Variants in MDH1B observed in about 807,000 individuals in gnomAD.
MDH1B encodes putative malate dehydrogenase 1B.
In MDH1B, 60 loss-of-function variants were observed where a neutral mutation model predicts 61.4. The ratio of observed to expected loss-of-function variants is 0.98; its 90% CI spans 0.79 to 1.21. The LOEUF (loss-of-function observed/expected upper bound fraction) is 1.21. MDH1B is among the 50% of genes most tolerant of loss of function. The pLI, the probability that MDH1B is intolerant of heterozygous loss-of-function variation, is 0.00. For synonymous variants in MDH1B, 236 were observed against 218.7 expected (o/e 1.08, Z -0.70); for missense variants, 587 against 632.1 (o/e 0.93, Z 0.76).
At position 206,749,156 on chromosome 2, in the gene MDH1B, T is replaced by C. The variant is rs547257005; in HGVS notation, c.1080A>G (p.Ala360=). 1.2e-6 allele frequency: 2 copies of C among 1,614,064 alleles called. No individual in the cohort carries two copies. Among genetic ancestry groups the C allele is most frequent in the South Asian group, 1.1e-5 (1 of 91,070 alleles). ...CTGTGGTGGTCAAGTTTTTAAGAAT[T>C]GCCACAAATTCTCTTTTTACCCACT... is the stretch of plus-strand genomic sequence containing the variant. ...DSEWVKREFV[A]ILKNLTTTGR... is the part of the protein sequence containing the mutation. Residue 360 remains alanine, a synonymous_variant, in exon 7 of 12, where the codon GCA becomes GCG. Transcript: ENST00000374412.
chr2:206,744,742 T>C (rs566427320), intron 9 of MDH1B, among the ~76,000 whole-genome samples: 2 of 151,734 alleles, frequency 1.3e-5, no homozygotes, highest in African/African-American at 4.8e-5. Context: ...CCGGCCAACA[T>C]AGTGAAACCT....
At chr2:206,742,048 A>G (rs894969029) in intron 9 of MDH1B, among the ~76,000 whole-genome samples, 3 of 152,220 alleles carry the variant, frequency 2.0e-5, no homozygotes, top group Admixed American at 1.3e-4. Flanking sequence ...ACAAAGGAAC[A>G]TAATGAAGCT....
chr2:206,746,175 A>C (rs1688098564), intron 8 of MDH1B, 112 bp downstream of exon 8: 1 of 911,156 alleles, frequency 1.1e-6, no homozygotes, highest in Admixed American at 3.0e-5. Flanking sequence ...ATTATTTTTA[A>C]GAATTAAAAA....
chr2:206,746,311 G>C lies in MDH1B; in HGVS notation c.1332C>G (p.Thr444=). The C allele has an allele frequency of 6.2e-7, 1 of 1,613,220 alleles. No individual in the cohort carries two copies. The highest frequency in any genetic ancestry group is 8.5e-7 in the Non-Finnish European group (1 of 1,179,668). ...CCTGAATTAGATCACTTGTCATTCG[G>C]GTCATTATTTGTTCACTTATTTCAA... ...KDVEISEQIM[T]RMTSDLIQEK... The change falls in exon 8 of 12, where the codon ACC becomes ACG. Residue 444 remains threonine, a synonymous_variant. Coordinates refer to ENST00000374412, the MANE Select transcript of MDH1B (RefSeq NM_001039845.3).
chr2:206,739,534 T>C, intron 11 of MDH1B, 59 bp downstream of exon 11: 2 of 1,453,708 alleles, frequency 1.4e-6, no homozygotes, highest in Non-Finnish European at 1.9e-6. Flanking sequence ...TGATCCTCTA[T>C]TACCCAGTTC....
intron 1 of MDH1B, among the ~76,000 whole-genome samples, chr2:206,761,554 TTG>T (rs1689092973): frequency 6.6e-6 from 1 of 152,100 alleles, no homozygotes; most frequent in Non-Finnish European, 1.5e-5. Flanking sequence ...TCAAGTGCAG[TTG>T]GAGATACTTG....
intron 5 of MDH1B, among the ~76,000 whole-genome samples, chr2:206,753,674 G>C (rs538957418): frequency 6.6e-6 from 1 of 152,200 alleles, no homozygotes; most frequent in South Asian, 2.1e-4. Flanking sequence ...ATTGCTGGCT[G>C]TCTCTTTGCT....
chr2:206,744,061 C>T (rs1025245476), intron 9 of MDH1B, among the ~76,000 whole-genome samples: 1 of 152,198 alleles, frequency 6.6e-6, no homozygotes, highest in Non-Finnish European at 1.5e-5. Flanking sequence ...ACATCTACTC[C>T]TCATGGCTGT....
intron 11 of MDH1B, among the ~76,000 whole-genome samples, chr2:206,739,231 A>G (rs1687670927): frequency 1.3e-5 from 2 of 152,140 alleles, no homozygotes; most frequent in African/African-American, 4.8e-5. Flanking sequence ...CCTGGGAAAC[A>G]TTGTGAGACC....
intron 1 of MDH1B, among the ~76,000 whole-genome samples, chr2:206,763,182 C>T (rs916991980): frequency 6.6e-6 from 1 of 151,682 alleles, no homozygotes; most frequent in Admixed American, 6.6e-5. Context: ...TTATTATGTC[C>T]ATCTCCCTAA....
chr2:206,749,089 T>C lies in MDH1B; in HGVS notation c.1147A>G (p.Thr383Ala). The change falls in exon 7 of 12, where the codon ACT (threonine) becomes GCT (alanine). Residue 383 changes from threonine (T) to alanine (A), a missense_variant. Physicochemically the swap from Thr to Ala is moderately conservative, Grantham distance 58 (BLOSUM62 0). Transcript: ENST00000374412. ...GGILAAHSIA[T>A]TLKYWYHGSP... ...CCATGGTACCAGTATTTCAGTGTAG[T>C]GGCTATACTGTGTGCAGCCAAAATG... 1 of 1,613,900 alleles carries C rather than the reference T, an allele frequency of 6.2e-7. No individual in the cohort carries two copies. Among genetic ancestry groups the C allele is most frequent in the South Asian group, 1.1e-5 (1 of 91,080 alleles).
chr2:206,757,771 T>A (rs1371611981), intron 2 of MDH1B, among the ~76,000 whole-genome samples: 5 of 152,180 alleles, frequency 3.3e-5, no homozygotes, highest in African/African-American at 7.2e-5. Flanking sequence ...AACTTGATAC[T>A]TTTTTTAAAA....
chr2:206,764,412 T>C (rs1394545700), intron 1 of MDH1B, among the ~76,000 whole-genome samples: 1 of 152,174 alleles, frequency 6.6e-6, no homozygotes, highest in Non-Finnish European at 1.5e-5. Flanking sequence ...GTGACTTTGG[T>C]GACAGCAGTT....
At chr2:206,747,447 G>A (rs566095610) in intron 7 of MDH1B, among the ~76,000 whole-genome samples, 1 of 152,144 alleles carries the variant, frequency 6.6e-6, no homozygotes, top group East Asian at 1.9e-4. Context: ...TACAAATAAA[G>A]GTAAGGTTTT....
In MDH1B at chr2:206,755,070, C is replaced by G; in HGVS notation, c.849G>C (p.Ala283=). The change falls in exon 5 of 12, where the codon GCG becomes GCC. Residue 283 remains alanine (A), a synonymous_variant. Coordinates refer to ENST00000374412, the MANE Select transcript of MDH1B (RefSeq NM_001039845.3). ...CTTTCGCTTCACCTTCCACCCCCAG[C>G]GCCACAGCAATAATGTTGTGTGCAA... is the stretch of plus-strand genomic sequence containing the variant. ...PRIAHNIIAV[A]LGVEGEAKAI... is the part of the protein sequence containing the mutation. 6.2e-7 allele frequency: 1 copy of G among 1,614,212 alleles called. No individual in the cohort carries two copies. Among genetic ancestry groups the G allele is most frequent in the Non-Finnish European group, 8.5e-7 (1 of 1,180,014 alleles).
At chr2:206,749,415 T>C (rs1688310831) in intron 6 of MDH1B, among the ~76,000 whole-genome samples, 1 of 152,160 alleles carries the variant, frequency 6.6e-6, no homozygotes, top group Non-Finnish European at 1.5e-5. Context: ...AAAAATATGA[T>C]ACTATAAATA....
intron 10 of MDH1B, 133 bp from the exon 11 acceptor site, chr2:206,739,794 A>C: frequency 4.1e-6 from 3 of 739,658 alleles, no homozygotes; most frequent in Non-Finnish European, 4.6e-6. Context: ...AGGAGTTACA[A>C]GATGCTAGAC....
chr2:206,741,987 G>C (rs1202807182), intron 9 of MDH1B, among the ~76,000 whole-genome samples: 1 of 152,164 alleles, frequency 6.6e-6, no homozygotes. Flanking sequence ...GCCCATGAGA[G>C]GCAGGGAGTT....
rs374490544 is a variant in MDH1B, at chr2:206,746,057, T to A, written c.1356+230A>T. 2.0e-5 allele frequency among the ~76,000 whole-genome samples: 3 copies of A among 152,200 alleles called. No homozygotes were observed. In the East Asian group the frequency reaches 5.8e-4, roughly 29 times the overall value. On this transcript the variant is annotated intron_variant, in intron 8 of 11. Coordinates refer to ENST00000374412, the MANE Select transcript of MDH1B (RefSeq NM_001039845.3). ...AACTATTCTTTAATAGAAAAACACC[T>A]TGATTCTTCATTTTTAAATAACGAA... is the stretch of plus-strand genomic sequence containing the variant.
Sources: gnomAD v4.1 joint callset for allele counts (sites outside exome capture counted in the v4.1 genomes callset) on GRCh38, gnomAD v4.1.1 for gene constraint, MANE v1.5 for transcripts, NCBI Gene and HGNC (gene_info 2026-07-23, HGNC 2026-07-21) for gene names.